Variants in UBP1 observed in about 807,000 individuals in gnomAD.
The protein encoded by UBP1 is upstream-binding protein 1.
A neutral mutation model predicts 76.1 loss-of-function variants in UBP1; 22 were observed. The ratio of observed to expected loss-of-function variants is 0.29; its 90% CI spans 0.21 to 0.41. The LOEUF (loss-of-function observed/expected upper bound fraction) is 0.41, where lower values mean the gene tolerates loss of function less well. UBP1 is among the 10% of genes least tolerant of loss of function. The probability of loss-of-function intolerance (pLI) is 1.00; values close to 1 mark genes in which losing one functional copy is unlikely to be tolerated. For synonymous variants in UBP1, 224 were observed against 237.1 expected (o/e 0.94, Z 0.51); for missense variants, 436 against 668.1 (o/e 0.65, Z 3.83).
At chr3:33,435,554 C>T (rs2045191348) in intron 1 of UBP1, among the ~76,000 whole-genome samples, 2 of 152,192 alleles carry the variant, frequency 1.3e-5, no homozygotes, top group South Asian at 4.1e-4. Flanking sequence ...GAGAAGACTG[C>T]ATAAGCCCAG....
chr3:33,414,249 AAAGG>A (rs952992954), intron 3 of UBP1: 89 of 152,200 alleles, frequency 5.8e-4, no homozygotes, highest in African/African-American at 2.1e-3. Flanking sequence ...AAAGGAATGA[AAAGG>A]AAGGGAGGAA....
At chr3:33,413,327 A>G (rs1290083119) in intron 3 of UBP1, among the ~76,000 whole-genome samples, 1 of 125,722 alleles carries the variant, frequency 8.0e-6, no homozygotes, top group Non-Finnish European at 1.6e-5. Flanking sequence ...TGGGAGGATC[A>G]CGAGGTCAGG....
intron 2 of UBP1, among the ~76,000 whole-genome samples, chr3:33,420,558 G>A (rs756451394): frequency 3.5e-5 from 5 of 141,074 alleles, no homozygotes; most frequent in Non-Finnish European, 6.0e-5. Flanking sequence ...GCACAATCTT[G>A]GCTCACTGCA....
intron 1 of UBP1, among the ~76,000 whole-genome samples, chr3:33,429,789 A>T (rs2045082980): frequency 6.6e-6 from 1 of 152,256 alleles, no homozygotes; most frequent in Non-Finnish European, 1.5e-5. Flanking sequence ...AAAATCCAGC[A>T]ATGTAAGCTG....
chr3:33,436,521 T>A (rs1413988201), intron 1 of UBP1, among the ~76,000 whole-genome samples: 2 of 152,196 alleles, frequency 1.3e-5, no homozygotes, highest in East Asian at 3.8e-4. Context: ...GCTCAGACAA[T>A]ACCTTTTTTA....
chr3:33,393,385 T>C lies in UBP1; in HGVS notation c.1460A>G (p.Asn487Ser). ...EVARKLALVFNIPLHQINQVY... is the reference protein window; with the variant it reads ...EVARKLALVFSIPLHQINQVY... ...CTGATTAATTTGGTGGAGAGGGATA[T>C]TAAACACCAGCGCAAGTTTTCGAGC... The change falls in exon 14 of 16, where the codon AAT becomes AGT. Residue 487 changes from asparagine to serine, a missense_variant. Physicochemically the swap from Asn to Ser is conservative, Grantham distance 46. This residue lies in a region of UBP1 where 210 missense variants were observed against 272.8 expected (regional missense o/e 0.77). Transcript: ENST00000283629. 1 of 1,613,584 alleles carries C rather than the reference T, an allele frequency of 6.2e-7. No homozygotes were observed. Among genetic ancestry groups the C allele is most frequent in the Non-Finnish European group, 8.5e-7 (1 of 1,179,746 alleles).
Position 33,407,971 on chromosome 3 carries a change from TAACTG to T in UBP1, c.927+714_927+718del, listed in dbSNP as rs1014580202. 3.0e-4 allele frequency among the ~76,000 whole-genome samples: 46 copies of T among 152,214 alleles called. 2 individuals are homozygous for T. Among genetic ancestry groups the T allele is most frequent in the Admixed American group, 2.8e-3 (43 of 15,286 alleles). On this transcript the variant is annotated intron_variant, in intron 8 of 15. Transcript: ENST00000283629. ...TCATAAAATAAAGATTTGCTATACT[TAACTG>T]GACAAAGCACATATTCAACCAGATG...
intron 13 of UBP1, among the ~76,000 whole-genome samples, chr3:33,394,894 T>G (rs2043914632): frequency 6.6e-6 from 1 of 151,860 alleles, no homozygotes; most frequent in South Asian, 2.1e-4. Context: ...CTATGGCTAT[T>G]TTAGCACTAC....
chr3:33,396,305 G>A (rs780828049), intron 12 of UBP1, 25 bp from the exon 13 acceptor site: 21 of 1,530,232 alleles, frequency 1.4e-5, no homozygotes, highest in Admixed American at 3.4e-5. Context: ...TGCCACTGAT[G>A]AGCCTGGGAG....
intron 8 of UBP1, 189 bp from the exon 9 acceptor site, chr3:33,403,093 C>T (rs1486654883): frequency 5.6e-6 from 3 of 536,618 alleles, no homozygotes; most frequent in African/African-American, 1.9e-5. Flanking sequence ...CTGCTGTGTG[C>T]GTCTAGACAC....
intron 1 of UBP1, among the ~76,000 whole-genome samples, chr3:33,428,468 G>A (rs1033202530): frequency 3.5e-4 from 43 of 123,428 alleles, no homozygotes; most frequent in African/African-American, 1.5e-3. Context: ...CATGAGAATG[G>A]CTTTTTTTAA....
At chr3:33,402,243 C>T (rs2044256683) in intron 9 of UBP1, among the ~76,000 whole-genome samples, 1 of 152,158 alleles carries the variant, frequency 6.6e-6, no homozygotes, top group South Asian at 2.1e-4. Flanking sequence ...TCTCTTGCTC[C>T]CACCCTGAGC....
In UBP1 at chr3:33,412,718, G is replaced by A. The variant is rs777420084; in HGVS notation, c.448+4C>T. On this transcript the variant is annotated splice_donor_region_variant and intron_variant, in intron 4 of 15. Transcript: ENST00000283629. ...CTCCATGGTCTTTTGATCACTGCCT[G>A]TACCTAAATCAAGAAGTCTGTCTCC... 5.7e-6 allele frequency: 9 copies of A among 1,588,074 alleles called. No homozygotes were observed. Among genetic ancestry groups the A allele is most frequent in the Middle Eastern group, 1.7e-4 (1 of 6,054 alleles).
intron 7 of UBP1, 77 bp from the exon 8 acceptor site, chr3:33,408,874 T>C: frequency 3.2e-6 from 4 of 1,250,116 alleles, no homozygotes; most frequent in Non-Finnish European, 4.6e-6. Context: ...TTCATGTCTC[T>C]TCAGTCCAAT....
intron 8 of UBP1, among the ~76,000 whole-genome samples, chr3:33,403,834 G>T (rs1030393024): frequency 6.6e-6 from 1 of 152,170 alleles, no homozygotes; most frequent in Non-Finnish European, 1.5e-5. Context: ...CACTTTACAG[G>T]TATTCTTTCT....
chr3:33,396,883 A>G, intron 12 of UBP1, 162 bp downstream of exon 12: 1 of 720,080 alleles, frequency 1.4e-6, no homozygotes, highest in Middle Eastern at 2.3e-4. Context: ...CCTGCCCTGA[A>G]GGTGTACACA....
At chr3:33,424,384 G>A (rs934569800) in intron 2 of UBP1, among the ~76,000 whole-genome samples, 6 of 152,166 alleles carry the variant, frequency 3.9e-5, no homozygotes, top group Non-Finnish European at 7.4e-5. Context: ...ACATGTAAAA[G>A]TCTAAAATCT....
intron 8 of UBP1, among the ~76,000 whole-genome samples, chr3:33,405,263 C>T (rs1482155282): frequency 6.6e-6 from 1 of 152,032 alleles, no homozygotes; most frequent in Non-Finnish European, 1.5e-5. Context: ...GAAATACAAA[C>T]ATGAGACCAA....
intron 8 of UBP1, chr3:33,403,310 T>C (rs894890730): frequency 2.6e-5 from 6 of 235,264 alleles, no homozygotes; most frequent in Non-Finnish European, 5.1e-5. Flanking sequence ...TGACATCACA[T>C]GGTGACCTGA....
Sources: allele counts gnomAD v4.1 joint callset (sites outside exome capture counted in the v4.1 genomes callset), GRCh38; gene constraint gnomAD v4.1.1; regional missense constraint gnomAD v4.1.1; transcripts MANE v1.5; gene names NCBI Gene and HGNC (gene_info 2026-07-23, HGNC 2026-07-21).